SPEF2: variants seen among roughly 807,000 people sequenced by gnomAD.
SPEF2 encodes the protein sperm flagellar and cilia associated 2.
A neutral mutation model predicts 224.6 loss-of-function variants in SPEF2; 187 were observed. The ratio of observed to expected loss-of-function variants is 0.83; its 90% CI spans 0.74 to 0.94. The LOEUF (loss-of-function observed/expected upper bound fraction) is 0.94. Ranked by LOEUF, SPEF2 falls within the 40% of genes least tolerant of loss-of-function variation. SPEF2 has a pLI of 0.00. For missense variants in SPEF2, 2,170 were observed against 2,135.6 expected, an observed-to-expected ratio of 1.02 and a Z score of -0.32; for synonymous variants, 715 against 707.3, an observed-to-expected ratio of 1.01 and a Z score of -0.17.
chr5:35,799,915 T>G, intron 33 of SPEF2, 53 bp from the exon 34 acceptor site: 5 of 1,591,850 alleles, frequency 3.1e-6, no homozygotes, highest in Non-Finnish European at 4.3e-6. Flanking sequence ...CATGACTAAC[T>G]ACTGACTATG....
Position 35,649,342 on chromosome 5 carries a change from T to C in SPEF2, c.727-19T>C, listed in dbSNP as rs1375413778. 6.3e-7 allele frequency: 1 copy of C among 1,599,690 alleles called. No homozygotes were observed. Among genetic ancestry groups the C allele is most frequent in the African/African-American group, 1.3e-5 (1 of 74,306 alleles). ...ATGGTTTTTAGAGGCAGAGAACTGATGATGAATTTTCTTTAAAGGATGTGG... is the reference window on the plus strand; with the variant it reads ...ATGGTTTTTAGAGGCAGAGAACTGACGATGAATTTTCTTTAAAGGATGTGG... On this transcript the variant is annotated intron_variant, in intron 5 of 36. Coordinates refer to ENST00000356031, the MANE Select transcript of SPEF2 (RefSeq NM_024867.4).
At chr5:35,796,910 C>G (rs1270819479) in intron 33 of SPEF2, among the ~76,000 whole-genome samples, 1 of 152,090 alleles carries the variant, frequency 6.6e-6, no homozygotes, top group Admixed American at 6.5e-5. Context: ...TTGGCAGTTG[C>G]AGGGGCAGTA....
chr5:35,695,696 A>G (rs780876410), intron 13 of SPEF2, 39 bp from the exon 14 acceptor site: 1 of 1,555,012 alleles, frequency 6.4e-7, no homozygotes, highest in African/African-American at 1.4e-5. Context: ...TTAGGTGTAA[A>G]TACCAGAAAT....
intron 23 of SPEF2, among the ~76,000 whole-genome samples, chr5:35,751,084 C>T (rs1365304690): frequency 0.011 from 114 of 10,700 alleles, 1 homozygote; most frequent in South Asian, 0.022. Flanking sequence ...TATATACACA[C>T]ACACACACAC....
chr5:35,686,234 T>C (rs1193488117), intron 10 of SPEF2, among the ~76,000 whole-genome samples: 2 of 152,138 alleles, frequency 1.3e-5, no homozygotes, highest in African/African-American at 2.4e-5. Context: ...TTGACATCTC[T>C]GCACCGCTGA....
intron 7 of SPEF2, among the ~76,000 whole-genome samples, chr5:35,656,525 C>T (rs1009482944): frequency 2.0e-5 from 3 of 152,170 alleles, no homozygotes; most frequent in Non-Finnish European, 4.4e-5. Flanking sequence ...AAAATACCTA[C>T]CCATTTCAAG....
intron 30 of SPEF2, 45 bp from the exon 31 acceptor site, chr5:35,792,295 C>T: frequency 2.0e-6 from 3 of 1,482,280 alleles, no homozygotes; most frequent in Non-Finnish European, 2.8e-6. Flanking sequence ...AAGAGAAAAA[C>T]CATCACCTAA....
chr5:35,653,946 C>CA (rs67527515), intron 6 of SPEF2, among the ~76,000 whole-genome samples: 158 of 87,926 alleles, frequency 1.8e-3, no homozygotes, highest in Middle Eastern at 8.8e-3. Context: ...GACTCTGTCT[C>CA]AAAAAAAAAA....
At chr5:35,698,453 G>C (rs1193227628) in intron 15 of SPEF2, 1 of 152,194 alleles carries the variant, frequency 6.6e-6, no homozygotes, top group Non-Finnish European at 1.5e-5. Flanking sequence ...TCTAATAGTT[G>C]TAACATTTCC....
At chr5:35,792,922 G>A (rs978227060) in intron 31 of SPEF2, among the ~76,000 whole-genome samples, 2 of 152,184 alleles carry the variant, frequency 1.3e-5, no homozygotes, top group Non-Finnish European at 2.9e-5. Flanking sequence ...GTAATTGATG[G>A]TATAATGGTA....
In SPEF2 at chr5:35,618,134, G is replaced by T. The variant is rs1454661273; in HGVS notation, c.58+79G>T. On this transcript the variant is annotated intron_variant, in intron 1 of 36. Coordinates refer to ENST00000356031, the MANE Select transcript of SPEF2 (RefSeq NM_024867.4). ...CTGCAGCGCAGCGCAGCGCACTCAGGGAAGGTGGCGGGCAGGGCGCGAGCT... is the reference window on the plus strand; with the variant it reads ...CTGCAGCGCAGCGCAGCGCACTCAGTGAAGGTGGCGGGCAGGGCGCGAGCT... 5 of 1,481,952 alleles carry T rather than the reference G, an allele frequency of 3.4e-6. No individual in the cohort carries two copies. In the East Asian group the frequency reaches 1.2e-4, roughly 37 times the overall value. 91.8% of individuals were successfully genotyped at this position (1,481,952 alleles called of 1,614,324 possible).
At chr5:35,644,568 A>G in intron 4 of SPEF2, 43 bp downstream of exon 4, 2 of 1,477,344 alleles carry the variant, frequency 1.4e-6, no homozygotes, top group Non-Finnish European at 1.8e-6. Flanking sequence ...AGTGCATAGT[A>G]TACAGTTTGT....
intron 30 of SPEF2, chr5:35,791,512 G>A (rs1229089025): frequency 6.6e-6 from 1 of 152,140 alleles, no homozygotes; most frequent in Admixed American, 6.5e-5. Flanking sequence ...ACAAAGAATA[G>A]CTATGTACTC....
intron 30 of SPEF2, chr5:35,790,139 T>G (rs1029052297): frequency 1.4e-6 from 1 of 702,976 alleles, no homozygotes; most frequent in Non-Finnish European, 2.6e-6. Flanking sequence ...CAAGTTCAGC[T>G]GAAGCAGAAC....
At chr5:35,742,275 C>T (rs1276015829) in intron 23 of SPEF2, among the ~76,000 whole-genome samples, 1 of 152,142 alleles carries the variant, frequency 6.6e-6, no homozygotes, top group African/African-American at 2.4e-5. Flanking sequence ...GAGAATTTTA[C>T]AGTAAAATTT....
At chr5:35,753,285 C>G (rs760038766) in intron 23 of SPEF2, among the ~76,000 whole-genome samples, 5 of 152,060 alleles carry the variant, frequency 3.3e-5, no homozygotes, top group Admixed American at 1.3e-4. Context: ...CATTTCCCCC[C>G]CAAAATTCAC....
intron 10 of SPEF2, among the ~76,000 whole-genome samples, chr5:35,680,464 C>T (rs1234142522): frequency 2.6e-5 from 4 of 152,148 alleles, no homozygotes; most frequent in Admixed American, 6.5e-5. Context: ...AATTTAGTCA[C>T]TCATTTATTC....
At chr5:35,657,965 C>T (rs1749178501) in intron 7 of SPEF2, among the ~76,000 whole-genome samples, 1 of 152,182 alleles carries the variant, frequency 6.6e-6, no homozygotes, top group Non-Finnish European at 1.5e-5. Flanking sequence ...TATAGAGCTG[C>T]TTGGGCATCT....
At chr5:35,728,136 A>G (rs1744993575) in intron 21 of SPEF2, among the ~76,000 whole-genome samples, 1 of 152,214 alleles carries the variant, frequency 6.6e-6, no homozygotes, top group African/African-American at 2.4e-5. Flanking sequence ...CAGAACACAT[A>G]TCCAGCAAAT....
Sources: allele counts gnomAD v4.1 joint callset (sites outside exome capture counted in the v4.1 genomes callset), GRCh38; gene constraint gnomAD v4.1.1; transcripts MANE v1.5; gene names NCBI Gene and HGNC (gene_info 2026-07-23, HGNC 2026-07-21).